CEP290: variants seen among roughly 807,000 people sequenced by gnomAD.
The protein encoded by CEP290 is centrosomal protein 290.
Under a neutral mutation model 344.9 loss-of-function variants are expected in CEP290, and 317 were observed. The observed-to-expected ratio is 0.92, with a 90% CI of 0.84 to 1.01. CEP290 has a LOEUF of 1.01. CEP290 is among the 50% of genes least tolerant of loss of function. CEP290 has a pLI of 0.00. For missense variants in CEP290, 2,754 were observed against 2,761.4 expected, an observed-to-expected ratio of 1.00 and a Z score of 0.06; for synonymous variants, 932 against 895.8, an observed-to-expected ratio of 1.04 and a Z score of -0.72.
chr12:88,084,840 T>C lies in CEP290; in HGVS notation c.4450A>G (p.Lys1484Glu). The change falls in exon 35 of 54, where the codon AAA (lysine) becomes GAA (glutamate). Residue 1484 changes from lysine to glutamate, a missense_variant. By Grantham distance (56) the Lys-to-Glu change is moderately conservative. Transcript: ENST00000552810. Reference protein sequence around the residue: ...CKSLEEKLKEKESALRLAEQN... With the variant: ...CKSLEEKLKEEESALRLAEQN... ...TCTGCTAACCTTAAAGCAGATTCTT[T>C]CTCTTTTAGTTTCTGCAATGATTAA... 6.4e-7 allele frequency: 1 copy of C among 1,559,684 alleles called. No individual in the cohort carries two copies. Among genetic ancestry groups the C allele is most frequent in the South Asian group, 1.2e-5 (1 of 81,796 alleles).
chr12:88,120,705 G>A lies in CEP290; in HGVS notation c.1359+292C>T, dbSNP rs1210762439. On this transcript the variant is annotated intron_variant, in intron 14 of 53. Coordinates refer to ENST00000552810, the MANE Select transcript of CEP290 (RefSeq NM_025114.4). ...AAATTCTGTCAAATTGGCCAGTGGTGTCACATCTACATGGTGGCCCAATGA... is the reference window on the plus strand; with the variant it reads ...AAATTCTGTCAAATTGGCCAGTGGTATCACATCTACATGGTGGCCCAATGA... Among the ~76,000 whole-genome samples, 3 of 152,230 alleles carry A rather than the reference G, an allele frequency of 2.0e-5. No individual in the cohort carries two copies. The East Asian group carries it at 5.8e-4, about 29-fold the overall frequency.
At chr12:88,120,755 C>A (rs892277202) in intron 14 of CEP290, among the ~76,000 whole-genome samples, 1 of 152,102 alleles carries the variant, frequency 6.6e-6, no homozygotes, top group Non-Finnish European at 1.5e-5. Context: ...AAAAAGTAAT[C>A]CTGCTGCTTC....
intron 34 of CEP290, among the ~76,000 whole-genome samples, 191 bp downstream of exon 34, chr12:88,085,848 T>C (rs1294700001): frequency 6.6e-6 from 1 of 152,168 alleles, no homozygotes; most frequent in Non-Finnish European, 1.5e-5. Context: ...AATAATTAAA[T>C]AGTGAATTCA....
chr12:88,085,376 A>T (rs2036502442), intron 34 of CEP290, among the ~76,000 whole-genome samples: 1 of 152,130 alleles, frequency 6.6e-6, no homozygotes, highest in African/African-American at 2.4e-5. Context: ...ATTTTAAATT[A>T]AGTAATTCAA....
chr12:88,110,812 G>C (rs2038634227), intron 22 of CEP290, among the ~76,000 whole-genome samples: 1 of 152,110 alleles, frequency 6.6e-6, no homozygotes, highest in African/African-American at 2.4e-5. Flanking sequence ...CACCCAGCAA[G>C]AAATAAAAGT....
At position 88,111,200 on chromosome 12, in the gene CEP290, A is replaced by G. The variant is rs2137707354; in HGVS notation, c.2367+2T>C. 3 of 1,357,252 alleles carry G rather than the reference A, an allele frequency of 2.2e-6. No homozygotes were observed. The highest frequency in any genetic ancestry group is 2.9e-6 in the Non-Finnish European group (3 of 1,046,026). 84.1% of individuals were successfully genotyped at this position (1,357,252 alleles called of 1,614,324 possible). A position where few individuals can be genotyped will look rare whatever the true frequency, so the allele number is the denominator to read the frequency against. On this transcript the variant is annotated splice_donor_variant, in intron 22 of 53. Transcript: ENST00000552810. LOFTEE classifies it high-confidence loss of function. ...CAATACCTGTAACAAAATTTTCAAT[A>G]CCTGTAACAAATGTATTAAATATTC...
rs1402082128 is a variant in CEP290, at chr12:88,069,366, C to T, written c.6012-721G>A. 7.9e-5 allele frequency among the ~76,000 whole-genome samples: 12 copies of T among 151,838 alleles called. 1 individual carries two copies. Among genetic ancestry groups the T allele is most frequent in the African/African-American group, 2.7e-4 (11 of 41,408 alleles). ...ATAAAGTATTCCAATTACTTCAGCC[C>T]GCATGAACTCACATTATTAGAGAAA... On this transcript the variant is annotated intron_variant, in intron 43 of 53. Transcript: ENST00000552810.
intron 6 of CEP290, among the ~76,000 whole-genome samples, chr12:88,133,202 A>G (rs2040179906): frequency 6.6e-6 from 1 of 151,790 alleles, no homozygotes; most frequent in South Asian, 2.1e-4. Flanking sequence ...CAGCCTCCCA[A>G]GTAGCTGGGA....
Position 88,080,389 on chromosome 12 carries a change from T to C in CEP290, c.5019A>G (p.Gln1673=), listed in dbSNP as rs1259897302. ...KEFENIKLQL[Q]ENHEDEVKKV... ...TTTTCACTTCATCTTCATGGTTTTC[T>C]TGAAGCCTGATGTAAATAAACATAT... Residue 1673 remains glutamine, a synonymous_variant, in exon 38 of 54, where the codon CAA becomes CAG. Transcript: ENST00000552810. 4.4e-6 allele frequency: 7 copies of C among 1,608,750 alleles called. No homozygotes were observed. Among genetic ancestry groups the C allele is most frequent in the Middle Eastern group, 1.7e-4 (1 of 6,058 alleles).
chr12:88,123,146 C>A (rs576134778), intron 13 of CEP290, among the ~76,000 whole-genome samples: 2 of 152,192 alleles, frequency 1.3e-5, no homozygotes, highest in African/African-American at 4.8e-5. Flanking sequence ...CATCCCATTG[C>A]ATTCTTAAAA....
At chr12:88,054,286 A>G in intron 51 of CEP290, 54 bp downstream of exon 51, 4 of 1,192,050 alleles carry the variant, frequency 3.4e-6, no homozygotes, top group Non-Finnish European at 3.6e-6. Context: ...ATAAAAACTA[A>G]TAATTTTTTT....
chr12:88,093,673 T>C (rs1044616333), intron 28 of CEP290, 97 bp downstream of exon 28: 2 of 838,830 alleles, frequency 2.4e-6, no homozygotes, highest in Non-Finnish European at 3.8e-6. Flanking sequence ...TAATAAGATA[T>C]TTCAGAGATC....
At chr12:88,054,142 G>A (rs1182424698) in intron 51 of CEP290, among the ~76,000 whole-genome samples, 198 bp downstream of exon 51, 1 of 151,966 alleles carries the variant, frequency 6.6e-6, no homozygotes, top group Non-Finnish European at 1.5e-5. Flanking sequence ...CTTAGAGTTG[G>A]GTTTATCCTT....
chr12:88,090,846 AATG>A lies in CEP290; in HGVS notation c.3462-10_3462-8del. 1 of 1,508,274 alleles carries A rather than the reference AATG, an allele frequency of 6.6e-7. No individual in the cohort carries two copies. The highest frequency in any genetic ancestry group is 1.4e-5 in the African/African-American group (1 of 72,400). 93.4% of individuals were successfully genotyped at this position (1,508,274 alleles called of 1,614,324 possible). A position where few individuals can be genotyped will look rare whatever the true frequency, so the allele number is the denominator to read the frequency against. ...ATCAGAAATCTCTCTCAGTCTAGGAAATGATAAGGTATTTCAGGAACAATTAAG... is the reference window on the plus strand; with the variant it reads ...ATCAGAAATCTCTCTCAGTCTAGGAAATAAGGTATTTCAGGAACAATTAAG... On this transcript the variant is annotated splice_region_variant and splice_polypyrimidine_tract_variant and intron_variant, in intron 29 of 53. Coordinates refer to ENST00000552810, the MANE Select transcript of CEP290 (RefSeq NM_025114.4).
In CEP290 at chr12:88,141,709, C is replaced by A. The variant is rs140679101; in HGVS notation, c.-28+191G>T. 3.9e-5 allele frequency among the ~76,000 whole-genome samples: 6 copies of A among 151,940 alleles called. No individual in the cohort carries two copies. In the East Asian group the frequency reaches 9.7e-4, roughly 25 times the overall value. The stretch of plus-strand genomic sequence containing the variant: ...CTGATTTGGAGAAACAGAATTGGGG[C>A]TGAAAAAAAACGCAGAAATTAACAT... On this transcript the variant is annotated intron_variant, in intron 1 of 53. Transcript: ENST00000552810.
rs1351305299 is a variant in CEP290, at chr12:88,060,929, A to G, written c.6423T>C (p.Val2141=). Residue 2141 remains valine, a synonymous_variant, in exon 47 of 54, where the codon GTT becomes GTC. Coordinates refer to ENST00000552810, the MANE Select transcript of CEP290 (RefSeq NM_025114.4). The part of the protein sequence containing the change: ...EKTIGLMKKV[V]EKVQRENEQL... ...GTTCATTTTCTCTCTGGACTTTTTC[A>G]ACTACTTTTTTCATTAAACCAATGG... The G allele has an allele frequency of 2.6e-6, 4 of 1,558,174 alleles. No individual in the cohort carries two copies. Among genetic ancestry groups the G allele is most frequent in the African/African-American group, 1.4e-5 (1 of 73,684 alleles).
chr12:88,111,864 A>T lies in CEP290; in HGVS notation c.2053-6T>A. 1 of 1,532,244 alleles carries T rather than the reference A, an allele frequency of 6.5e-7. No individual in the cohort carries two copies. Among genetic ancestry groups the T allele is most frequent in the South Asian group, 1.3e-5 (1 of 77,614 alleles). The allele number at this position is 1,532,244 out of a possible 1,614,324, so 94.9% of individuals were successfully genotyped here. A position where few individuals can be genotyped will look rare whatever the true frequency, so the allele number is the denominator to read the frequency against. On this transcript the variant is annotated splice_region_variant and splice_polypyrimidine_tract_variant and intron_variant, in intron 20 of 53. Coordinates refer to ENST00000552810, the MANE Select transcript of CEP290 (RefSeq NM_025114.4). ...GCATTCTTTGATTCTATAGCCTAGCAAATTTATATTATATATTAGAAATGT... is the reference window on the plus strand; with the variant it reads ...GCATTCTTTGATTCTATAGCCTAGCTAATTTATATTATATATTAGAAATGT...
chr12:88,067,316 C>T (rs981818558), intron 44 of CEP290, among the ~76,000 whole-genome samples: 2 of 151,982 alleles, frequency 1.3e-5, no homozygotes, highest in Non-Finnish European at 2.9e-5. Flanking sequence ...ATAGTTAATG[C>T]TTTTTCTAAA....
chr12:88,122,498 A>G (rs1002467768), intron 13 of CEP290, among the ~76,000 whole-genome samples: 1 of 152,150 alleles, frequency 6.6e-6, no homozygotes, highest in South Asian at 2.1e-4. Flanking sequence ...AACTAAACCT[A>G]ATCCTAATCT....
Sources: gnomAD v4.1 joint callset for allele counts (sites outside exome capture counted in the v4.1 genomes callset) on GRCh38, gnomAD v4.1.1 for gene constraint, MANE v1.5 for transcripts, NCBI Gene and HGNC (gene_info 2026-07-23, HGNC 2026-07-21) for gene names.